Variants in KIRREL1 observed in about 807,000 individuals in gnomAD.
KIRREL1 encodes kirre like nephrin family adhesion molecule 1, also known as kin of IRRE-like protein 1.
In KIRREL1, 25 loss-of-function variants were observed where a neutral mutation model predicts 83.3. That is an observed-to-expected ratio of 0.30 (90% CI 0.22 to 0.42). The LOEUF (loss-of-function observed/expected upper bound fraction) is 0.42. Ranked by LOEUF, KIRREL1 falls within the 10% of genes least tolerant of loss-of-function variation. The pLI, the probability that KIRREL1 is intolerant of heterozygous loss-of-function variation, is 1.00. For missense variants in KIRREL1, 812 were observed against 1,032.3 expected (o/e 0.79, Z 2.92); for synonymous variants, 388 against 410.4 (o/e 0.95, Z 0.66).
At chr1:158,092,939 G>A (rs1216164222) in intron 11 of KIRREL1, among the ~76,000 whole-genome samples, 2 of 151,984 alleles carry the variant, frequency 1.3e-5, no homozygotes, top group East Asian at 3.9e-4. Context: ...AGTGGTGAAA[G>A]ATGTCGGAAC....
chr1:158,092,508 C>T (rs990599939), intron 11 of KIRREL1, among the ~76,000 whole-genome samples: 5 of 152,096 alleles, frequency 3.3e-5, no homozygotes, highest in South Asian at 2.1e-4. Context: ...CCACTACGCC[C>T]GGCTAATTTT....
In KIRREL1 at chr1:158,088,639, C is replaced by G. The variant is rs932913188; in HGVS notation, c.1044+185C>G. Among the ~76,000 whole-genome samples, 6 of 151,526 alleles carry G rather than the reference C, an allele frequency of 4.0e-5. No individual in the cohort carries two copies. In the South Asian group the frequency reaches 1.3e-3, roughly 32 times the overall value. ...AGCTGGGACTACAGGCGCCCGCTAC[C>G]ACGCCCGGCTAATTTTTTGTATTTT... On this transcript the variant is annotated intron_variant, in intron 8 of 14. Transcript: ENST00000359209.
At position 158,014,918 on chromosome 1, in the gene KIRREL1, T is replaced by A. The variant is rs1427295068; in HGVS notation, c.52+21190T>A. ...TCCTTCCGGTGCTTTACTGGGACTA[T>A]TTAACTGTGTTTAATGCTACCACTA... is the stretch of plus-strand genomic sequence containing the variant. On this transcript the variant is annotated intron_variant, in intron 1 of 14. Coordinates refer to ENST00000359209, the MANE Select transcript of KIRREL1 (RefSeq NM_018240.7). 2.0e-5 allele frequency among the ~76,000 whole-genome samples: 3 copies of A among 152,196 alleles called. No individual in the cohort carries two copies. The East Asian group carries it at 5.8e-4, about 29-fold the overall frequency.
chr1:158,064,209 A>G (rs1204657106), intron 1 of KIRREL1, among the ~76,000 whole-genome samples: 1 of 152,194 alleles, frequency 6.6e-6, no homozygotes, highest in Non-Finnish European at 1.5e-5. Flanking sequence ...AAAAAAAGTT[A>G]TAGCTGCAGA....
At chr1:158,067,537 G>A (rs1158064300) in intron 1 of KIRREL1, among the ~76,000 whole-genome samples, 3 of 152,216 alleles carry the variant, frequency 2.0e-5, no homozygotes, top group Non-Finnish European at 4.4e-5. Context: ...GCAGTCTGAG[G>A]ACATTAGAGA....
chr1:158,005,182 C>G (rs762474606), intron 1 of KIRREL1, among the ~76,000 whole-genome samples: 4 of 152,074 alleles, frequency 2.6e-5, no homozygotes, highest in Non-Finnish European at 5.9e-5. Flanking sequence ...GGATGCTTTC[C>G]TTGGGGAAAT....
At position 158,087,768 on chromosome 1, in the gene KIRREL1, G is replaced by A. The variant is rs1446658976; in HGVS notation, c.675G>A (p.Val225=). 2 of 1,613,862 alleles carry A rather than the reference G, an allele frequency of 1.2e-6. No homozygotes were observed. Reference sequence around the variant, plus strand: ...TCTACTTTGCAGACCCTCCTACAGTGACCCTGTCCATTGAGCCACAGACGG... The same window carrying A: ...TCTACTTTGCAGACCCTCCTACAGTAACCCTGTCCATTGAGCCACAGACGG... The part of the protein sequence containing the change: ...IELDVHHPPT[V]TLSIEPQTVQ... Residue 225 remains valine, a synonymous_variant, in exon 6 of 15, where the codon GTG becomes GTA. Coordinates refer to ENST00000359209, the MANE Select transcript of KIRREL1 (RefSeq NM_018240.7).
chr1:158,033,284 C>T (rs756194044), intron 1 of KIRREL1, among the ~76,000 whole-genome samples: 2 of 152,162 alleles, frequency 1.3e-5, no homozygotes, highest in Admixed American at 6.5e-5. Context: ...GTTGACCAGG[C>T]TGGTCTCAGA....
intron 1 of KIRREL1, among the ~76,000 whole-genome samples, chr1:158,071,093 C>T (rs74120548): frequency 1.3e-5 from 2 of 152,088 alleles, no homozygotes; most frequent in Non-Finnish European, 2.9e-5. Context: ...TTCCTTCCCC[C>T]CTGCTTTGCC....
chr1:158,020,721 C>T (rs1178910245), intron 1 of KIRREL1, among the ~76,000 whole-genome samples: 1 of 151,832 alleles, frequency 6.6e-6, no homozygotes, highest in Non-Finnish European at 1.5e-5. Flanking sequence ...TCTTCCAGCT[C>T]AGCTCCTGGT....
At chr1:158,020,054 G>C (rs999515386) in intron 1 of KIRREL1, among the ~76,000 whole-genome samples, 3 of 152,146 alleles carry the variant, frequency 2.0e-5, no homozygotes, top group African/African-American at 7.2e-5. Context: ...GAACTGTCTT[G>C]CTGAAATAAA....
chr1:158,059,926 T>G (rs566554757), intron 1 of KIRREL1, among the ~76,000 whole-genome samples: 3 of 152,234 alleles, frequency 2.0e-5, no homozygotes, highest in African/African-American at 7.2e-5. Context: ...AGGTGGACAT[T>G]GGGTTCGGGG....
chr1:158,001,882 A>G (rs1323687784), intron 1 of KIRREL1, among the ~76,000 whole-genome samples: 1 of 152,160 alleles, frequency 6.6e-6, no homozygotes, highest in Non-Finnish European at 1.5e-5. Flanking sequence ...ACTGGGGAGC[A>G]ATGGATTTCT....
chr1:158,028,622 T>A (rs1660236026), intron 1 of KIRREL1, among the ~76,000 whole-genome samples: 1 of 152,198 alleles, frequency 6.6e-6, no homozygotes, highest in South Asian at 2.1e-4. Context: ...TGCTTCCACA[T>A]CTTAGGGATT....
In KIRREL1 at chr1:158,094,970, C is replaced by T. The variant is rs371490032; in HGVS notation, c.2124C>T (p.Tyr708=). 11 of 1,614,016 alleles carry T rather than the reference C, an allele frequency of 6.8e-6. No homozygotes were observed. The highest frequency in any genetic ancestry group is 9.3e-6 in the Non-Finnish European group (11 of 1,179,964). The change falls in exon 15 of 15, where the codon TAC becomes TAT. Residue 708 remains tyrosine, a synonymous_variant. Coordinates refer to ENST00000359209, the MANE Select transcript of KIRREL1 (RefSeq NM_018240.7). The surrounding 1 kb of genome is among the most constrained non-coding windows in gnomAD (Gnocchi z 4.6). Reference sequence around the variant, plus strand: ...GGTACCCCACCTACCGACTGGGCTACCCCCAGGCCCCACCCTCTGGCCTGG... The same window carrying T: ...GGTACCCCACCTACCGACTGGGCTATCCCCAGGCCCCACCCTCTGGCCTGG... The part of the protein sequence containing the change: ...AAGYPTYRLG[Y]PQAPPSGLER...
intron 2 of KIRREL1, among the ~76,000 whole-genome samples, chr1:158,077,550 C>T (rs1661714772): frequency 6.6e-6 from 1 of 152,214 alleles, no homozygotes; most frequent in Non-Finnish European, 1.5e-5. Flanking sequence ...CTCCCTGGGC[C>T]TGCCTTGGGC....
chr1:158,084,483 C>A lies in KIRREL1; in HGVS notation c.414C>A (p.Pro138=). The part of the protein sequence containing the change: ...GPVILLQAGT[P]HNLTCRAFNA... The stretch of plus-strand genomic sequence containing the variant: ...TGATTCTACTGCAGGCAGGCACCCC[C>A]CACAACCTCACATGCCGGGCCTTCA... Residue 138 remains proline (P), a synonymous_variant, in exon 4 of 15, where the codon CCC becomes CCA. Transcript: ENST00000359209. 6.4e-7 allele frequency: 1 copy of A among 1,551,792 alleles called. No homozygotes were observed. The highest frequency in any genetic ancestry group is 1.2e-5 in the South Asian group (1 of 84,058).
At chr1:158,036,559 A>G (rs1409950586) in intron 1 of KIRREL1, among the ~76,000 whole-genome samples, 1 of 152,148 alleles carries the variant, frequency 6.6e-6, no homozygotes. Context: ...CAGGACCTTC[A>G]AGGAGAGCGG....
intron 3 of KIRREL1, among the ~76,000 whole-genome samples, 188 bp from the exon 4 acceptor site, chr1:158,084,234 A>C (rs1222790640): frequency 6.6e-6 from 1 of 152,210 alleles, no homozygotes; most frequent in Non-Finnish European, 1.5e-5. Context: ...AAGATGTGTG[A>C]GCTGAGGACC....
Sources: allele counts gnomAD v4.1 joint callset (sites outside exome capture counted in the v4.1 genomes callset), GRCh38; gene constraint gnomAD v4.1.1; non-coding constraint Gnocchi (gnomAD v3.1); transcripts MANE v1.5; gene names NCBI Gene and HGNC (gene_info 2026-07-23, HGNC 2026-07-21).